The following ERC2 variants were observed in gnomAD, a reference collection of about 807,000 sequenced individuals.
ERC2 encodes the protein ELKS/RAB6-interacting/CAST family member 2.
In ERC2, 42 loss-of-function variants were observed where a neutral mutation model predicts 114.8. The ratio of observed to expected loss-of-function variants is 0.37; its 90% CI spans 0.29 to 0.47. The LOEUF is 0.47. ERC2 is among the 20% of genes least tolerant of loss of function. The pLI is 0.99. For missense variants in ERC2, 939 were observed against 1,150.7 expected (o/e 0.82, Z 2.66); for synonymous variants, 454 against 425.5 (o/e 1.07, Z -0.82).
At chr3:55,727,971 C>T (rs1353459900) in intron 15 of ERC2, among the ~76,000 whole-genome samples, 1 of 152,316 alleles carries the variant, frequency 6.6e-6, no homozygotes. Context: ...GCCTCATCTT[C>T]TCTATCAAGC....
intron 14 of ERC2, among the ~76,000 whole-genome samples, chr3:55,856,725 A>G (rs2061802427): frequency 6.6e-6 from 1 of 152,244 alleles, no homozygotes; most frequent in African/African-American, 2.4e-5. Flanking sequence ...ATGAATGTTC[A>G]TAGTAGTATT....
At chr3:55,821,406 T>C (rs908491916) in intron 14 of ERC2, among the ~76,000 whole-genome samples, 4 of 152,234 alleles carry the variant, frequency 2.6e-5, no homozygotes, top group Non-Finnish European at 2.9e-5. Flanking sequence ...TCGCTAGATG[T>C]GAAGGGGCTG....
intron 14 of ERC2, among the ~76,000 whole-genome samples, chr3:55,798,381 G>A (rs563766386): frequency 5.1e-4 from 77 of 152,110 alleles, no homozygotes; most frequent in Middle Eastern, 6.8e-3. Flanking sequence ...GGCAGATCAC[G>A]AGGTCAGGAG....
intron 3 of ERC2, among the ~76,000 whole-genome samples, chr3:56,190,468 C>G (rs955452269): frequency 6.6e-6 from 1 of 152,178 alleles, no homozygotes; most frequent in African/African-American, 2.4e-5. Flanking sequence ...AGGTCTCACT[C>G]TGTTGCCCAG....
At chr3:56,034,985 C>G (rs2149639037) in intron 7 of ERC2, among the ~76,000 whole-genome samples, 1 of 151,608 alleles carries the variant, frequency 6.6e-6, no homozygotes, top group South Asian at 2.1e-4. Context: ...AAAGCAGAGA[C>G]AAATAAAATT....
intron 17 of ERC2, among the ~76,000 whole-genome samples, chr3:55,650,483 C>T (rs891823815): frequency 1.3e-5 from 2 of 152,190 alleles, no homozygotes; most frequent in African/African-American, 2.4e-5. Flanking sequence ...ACATCCTCCC[C>T]TCTTGGTCTC....
chr3:55,594,183 G>C (rs1244941447), intron 17 of ERC2, among the ~76,000 whole-genome samples: 2 of 152,156 alleles, frequency 1.3e-5, no homozygotes, highest in Non-Finnish European at 2.9e-5. Flanking sequence ...ACTACAGAAA[G>C]AAGAGTTGGT....
At chr3:56,174,882 G>A (rs2082884698) in intron 3 of ERC2, among the ~76,000 whole-genome samples, 1 of 151,916 alleles carries the variant, frequency 6.6e-6, no homozygotes, top group East Asian at 1.9e-4. Context: ...GGAGGCTGAG[G>A]CAGGAGAATC....
intron 3 of ERC2, among the ~76,000 whole-genome samples, chr3:56,209,896 T>C (rs2048956200): frequency 6.6e-6 from 1 of 152,182 alleles, no homozygotes; most frequent in Non-Finnish European, 1.5e-5. Flanking sequence ...CATTGCTTTG[T>C]GGAGTTGAGA....
At chr3:56,301,195 G>A (rs2055850625) in intron 2 of ERC2, among the ~76,000 whole-genome samples, 1 of 152,142 alleles carries the variant, frequency 6.6e-6, no homozygotes, top group African/African-American at 2.4e-5. Context: ...TATTTTTCAG[G>A]TAGTCACACT....
intron 2 of ERC2, among the ~76,000 whole-genome samples, chr3:56,353,946 T>G (rs1348744703): frequency 1.3e-5 from 2 of 152,036 alleles, no homozygotes; most frequent in African/African-American, 4.8e-5. Flanking sequence ...GTACATATTA[T>G]TCCAATTTTA....
intron 2 of ERC2, among the ~76,000 whole-genome samples, chr3:56,428,651 C>T (rs779739831): frequency 6.6e-5 from 10 of 152,146 alleles, no homozygotes; most frequent in Admixed American, 2.6e-4. Flanking sequence ...TGATCCATCT[C>T]GATCTTTTCA....
chr3:55,563,835 C>T (rs2056193360), intron 17 of ERC2, among the ~76,000 whole-genome samples: 1 of 152,212 alleles, frequency 6.6e-6, no homozygotes, highest in African/African-American at 2.4e-5. Context: ...AACAGAGCCA[C>T]TCCTGCCTGG....
chr3:55,675,903 CTTTTTTTTTTTTTTTTTTT>C (rs869296098), intron 17 of ERC2, among the ~76,000 whole-genome samples: 5 of 47,994 alleles, frequency 1.0e-4, no homozygotes, highest in South Asian at 1.3e-3. Context: ...TCTTTTCTTT[CTTTTTTTTTTTTTTTTTTT>C]TTTTTTTTTT....
At position 56,149,120 on chromosome 3, in the gene ERC2, C is replaced by T. The variant is rs750058273; in HGVS notation, c.1162G>A (p.Ala388Thr). The T allele has an allele frequency of 3.6e-5, 58 of 1,602,294 alleles. No homozygotes were observed. The highest frequency in any genetic ancestry group is 1.1e-4 in the East Asian group (5 of 44,644). ...TCCCTTATGTTTCGTTCCAATGAAG[C>T]GATTTTTGTGTCCTGTTGGTAAAGA... Reference protein sequence around the residue: ...TVIEMKDTKIASLERNIRDLE... With the variant: ...TVIEMKDTKITSLERNIRDLE... The change falls in exon 5 of 18, where the codon GCT (alanine) becomes ACT (threonine). Residue 388 changes from alanine to threonine, a missense_variant. Around this residue, in one of 5 missense-constraint regions of ERC2, gnomAD observed 148 missense variants for 159.1 expected, o/e 0.93. Transcript: ENST00000288221.
intron 7 of ERC2, among the ~76,000 whole-genome samples, chr3:56,076,427 G>T (rs1027607022): frequency 6.6e-6 from 1 of 152,082 alleles, no homozygotes; most frequent in South Asian, 2.1e-4. Flanking sequence ...ATGTCATCAG[G>T]TTTTATGACA....
At chr3:55,857,061 G>A (rs1033323318) in intron 14 of ERC2, among the ~76,000 whole-genome samples, 3 of 152,006 alleles carry the variant, frequency 2.0e-5, no homozygotes, top group African/African-American at 7.3e-5. Context: ...ATTTTTTTGG[G>A]GGTGGGGGTG....
intron 3 of ERC2, among the ~76,000 whole-genome samples, chr3:56,175,804 T>C (rs1205068032): frequency 2.0e-5 from 3 of 152,156 alleles, no homozygotes; most frequent in Non-Finnish European, 4.4e-5. Context: ...AATAGTAAAG[T>C]GTAATAAGAA....
chr3:56,007,817 CA>C (rs2072618128), intron 9 of ERC2, among the ~76,000 whole-genome samples: 1 of 152,046 alleles, frequency 6.6e-6, no homozygotes, highest in Admixed American at 6.6e-5. Context: ...AATGGTTTTA[CA>C]AACATCTTCT....
Sources: allele counts gnomAD v4.1 joint callset (sites outside exome capture counted in the v4.1 genomes callset), GRCh38; gene constraint gnomAD v4.1.1; regional missense constraint gnomAD v4.1.1; transcripts MANE v1.5; gene names NCBI Gene and HGNC (gene_info 2026-07-23, HGNC 2026-07-21).